The following CSMD3 variants were observed in gnomAD, a reference collection of about 807,000 sequenced individuals.
CSMD3 encodes the protein CUB and Sushi multiple domains 3, also known as CUB and sushi domain-containing protein 3.
CSMD3 carries 177 observed loss-of-function variants against 435.2 expected under a neutral mutation model. The observed-to-expected ratio is 0.41, with a 90% CI of 0.36 to 0.46. The LOEUF is 0.46. CSMD3 is among the 20% of genes least tolerant of loss of function. CSMD3 has a pLI of 0.34. For synonymous variants in CSMD3, 1,656 were observed against 1,520.5 expected, an observed-to-expected ratio of 1.09 and a Z score of -2.07; for missense variants, 4,265 against 4,504.6, an observed-to-expected ratio of 0.95 and a Z score of 1.52.
intron 13 of CSMD3, among the ~76,000 whole-genome samples, chr8:112,757,530 G>A (rs79864445): frequency 1.3e-5 from 2 of 151,848 alleles, no homozygotes; most frequent in Non-Finnish European, 2.9e-5. Context: ...ATCAATATAG[G>A]GTAATTATTT....
rs75132512 is a variant in CSMD3, at chr8:113,188,091, C to G, written c.515-14175G>C. Among the ~76,000 whole-genome samples the G allele has an allele frequency of 9.2e-5, 14 of 152,086 alleles. No homozygotes were observed. The East Asian group carries it at 2.7e-3, about 30-fold the overall frequency. On this transcript the variant is annotated intron_variant, in intron 3 of 70. Transcript: ENST00000297405. Reference sequence around the variant, plus strand: ...AAGCCTTTCCAAACTCTTCAGTCCACGGTGATTACCTTCACACAGGAAGCA... The same window carrying G: ...AAGCCTTTCCAAACTCTTCAGTCCAGGGTGATTACCTTCACACAGGAAGCA...
intron 45 of CSMD3, among the ~76,000 whole-genome samples, chr8:112,334,244 A>G (rs1216170506): frequency 1.3e-5 from 2 of 152,200 alleles, no homozygotes; most frequent in Non-Finnish European, 2.9e-5. Flanking sequence ...ATACCATCTA[A>G]TTGGCTGATA....
At chr8:112,795,323 A>G (rs2078801339) in intron 13 of CSMD3, among the ~76,000 whole-genome samples, 1 of 152,168 alleles carries the variant, frequency 6.6e-6, no homozygotes, top group African/African-American at 2.4e-5. Context: ...GTACTGGAAA[A>G]AAAAACTATG....
intron 13 of CSMD3, among the ~76,000 whole-genome samples, chr8:112,767,026 G>GAA (rs2077996785): frequency 6.6e-6 from 1 of 151,816 alleles, no homozygotes; most frequent in African/African-American, 2.4e-5. Context: ...TTAGCTTGTA[G>GAA]AAATGTACTA....
chr8:112,972,373 T>A (rs1405216278), intron 7 of CSMD3, among the ~76,000 whole-genome samples: 2 of 151,946 alleles, frequency 1.3e-5, no homozygotes, highest in Admixed American at 1.3e-4. Context: ...CAAAATAATA[T>A]TCAGTAGAAT....
intron 10 of CSMD3, among the ~76,000 whole-genome samples, chr8:112,887,066 C>A (rs936542674): frequency 1.3e-5 from 2 of 151,488 alleles, no homozygotes; most frequent in Non-Finnish European, 3.0e-5. Flanking sequence ...CTCTCTGTAC[C>A]TCAGTCTCCT....
intron 32 of CSMD3, among the ~76,000 whole-genome samples, chr8:112,422,631 T>C (rs1294839485): frequency 6.6e-6 from 1 of 152,154 alleles, no homozygotes; most frequent in Non-Finnish European, 1.5e-5. Context: ...CTTTGGATTG[T>C]TGTAAAGATT....
chr8:113,353,633 GGAAATATTTTTGCCTTTCTCACGA>G (rs2094203559), intron 1 of CSMD3, among the ~76,000 whole-genome samples: 3 of 151,866 alleles, frequency 2.0e-5, no homozygotes, highest in Admixed American at 6.6e-5. Context: ...CTTGATTCTG[GGAAATATTTTTGCCTTTCTCACGA>G]GTTCTGCACA....
At chr8:112,349,947 G>A (rs1825996198) in intron 40 of CSMD3, among the ~76,000 whole-genome samples, 1 of 152,004 alleles carries the variant, frequency 6.6e-6, no homozygotes, top group Non-Finnish European at 1.5e-5. Context: ...CCTTAATGAA[G>A]GTACTTAAGG....
At chr8:112,407,407 G>A (rs1461979035) in intron 34 of CSMD3, among the ~76,000 whole-genome samples, 3 of 151,866 alleles carry the variant, frequency 2.0e-5, no homozygotes, top group African/African-American at 7.2e-5. Flanking sequence ...ATGATAACAG[G>A]ATGTTTTTTC....
intron 1 of CSMD3, among the ~76,000 whole-genome samples, chr8:113,319,650 C>T (rs1204285340): frequency 6.6e-6 from 1 of 151,900 alleles, no homozygotes; most frequent in Non-Finnish European, 1.5e-5. Flanking sequence ...TGTCAAGAAG[C>T]TAAAAGGCAA....
At chr8:113,109,654 T>A in intron 4 of CSMD3, among the ~76,000 whole-genome samples, 1 of 152,188 alleles carries the variant, frequency 6.6e-6, no homozygotes, top group East Asian at 1.9e-4. Context: ...GTGACAGTTC[T>A]GTGTTGTGGC....
intron 23 of CSMD3, among the ~76,000 whole-genome samples, chr8:112,577,658 T>G (rs1280994162): frequency 6.6e-6 from 1 of 152,086 alleles, no homozygotes; most frequent in African/African-American, 2.4e-5. Flanking sequence ...TCTGATTACT[T>G]ACACCAGAAC....
intron 1 of CSMD3, among the ~76,000 whole-genome samples, chr8:113,402,724 T>C (rs2094515664): frequency 6.6e-6 from 1 of 151,266 alleles, no homozygotes; most frequent in Non-Finnish European, 1.5e-5. Flanking sequence ...TTGACATCTC[T>C]CAGATGCACA....
intron 13 of CSMD3, among the ~76,000 whole-genome samples, chr8:112,710,674 A>G (rs1341701682): frequency 6.6e-6 from 1 of 151,710 alleles, no homozygotes; most frequent in Non-Finnish European, 1.5e-5. Flanking sequence ...GTGTGAAGGG[A>G]GGCAAAGTCT....
At chr8:113,115,067 G>T (rs1248257116) in intron 4 of CSMD3, among the ~76,000 whole-genome samples, 1 of 152,160 alleles carries the variant, frequency 6.6e-6, no homozygotes, top group African/African-American at 2.4e-5. Flanking sequence ...GTCCAGCAAT[G>T]GACGTTTTAA....
intron 2 of CSMD3, among the ~76,000 whole-genome samples, chr8:113,291,721 T>C (rs2093687730): frequency 6.6e-6 from 1 of 151,890 alleles, no homozygotes; most frequent in Non-Finnish European, 1.5e-5. Flanking sequence ...AAATATGTTA[T>C]TGACTGTACA....
chr8:112,533,339 G>C (rs1472653507), intron 27 of CSMD3, among the ~76,000 whole-genome samples: 1 of 151,782 alleles, frequency 6.6e-6, no homozygotes, highest in Non-Finnish European at 1.5e-5. Flanking sequence ...CTGAATGAAC[G>C]AAAAAATAAG....
At chr8:112,248,411 C>T (rs1814957930) in intron 63 of CSMD3, among the ~76,000 whole-genome samples, 1 of 152,146 alleles carries the variant, frequency 6.6e-6, no homozygotes, top group South Asian at 2.1e-4. Flanking sequence ...AAAAACTGTA[C>T]TAACTTGTGG....
Sources: allele counts gnomAD v4.1 joint callset (sites outside exome capture counted in the v4.1 genomes callset), GRCh38; gene constraint gnomAD v4.1.1; transcripts MANE v1.5; gene names NCBI Gene and HGNC (gene_info 2026-07-23, HGNC 2026-07-21).